Variants in GABRG3 observed in about 807,000 individuals in gnomAD.
The protein encoded by GABRG3 is gamma-aminobutyric acid type A receptor subunit gamma3, also known as gamma-aminobutyric acid receptor subunit gamma-3.
Under a neutral mutation model 48.8 loss-of-function variants are expected in GABRG3, and 25 were observed. That is an observed-to-expected ratio of 0.51 (90% CI 0.37 to 0.72). The LOEUF is 0.72. Ranked by LOEUF, GABRG3 falls within the 30% of genes least tolerant of loss-of-function variation. The pLI is 0.00. For missense variants in GABRG3, 394 were observed against 577.9 expected (o/e 0.68, Z 3.26); for synonymous variants, 227 against 217.6 (o/e 1.04, Z -0.38).
At chr15:27,271,614 A>G (rs1401321460) in intron 3 of GABRG3, 1 of 455,558 alleles carries the variant, frequency 2.2e-6, no homozygotes, top group East Asian at 7.0e-5. Context: ...TCAGTCACAA[A>G]CATGGCAGGA....
chr15:27,206,889 T>C (rs1300711671), intron 3 of GABRG3, among the ~76,000 whole-genome samples: 2 of 152,164 alleles, frequency 1.3e-5, no homozygotes, highest in Admixed American at 1.3e-4. Context: ...TTTTTTTGTT[T>C]TCTGTTTGTC....
intron 5 of GABRG3, among the ~76,000 whole-genome samples, chr15:27,330,821 A>G (rs1442680592): frequency 6.6e-6 from 1 of 152,238 alleles, no homozygotes; most frequent in East Asian, 1.9e-4. Flanking sequence ...TTGTGTGACC[A>G]ACCACATCTA....
At chr15:27,349,938 T>TC (rs1894500955) in intron 5 of GABRG3, among the ~76,000 whole-genome samples, 2 of 104,574 alleles carry the variant, frequency 1.9e-5, no homozygotes, top group South Asian at 4.0e-4. Flanking sequence ...CTAAGGTCTT[T>TC]TTTTTTTCTT....
At chr15:27,357,980 A>G (rs568729402) in intron 5 of GABRG3, among the ~76,000 whole-genome samples, 7 of 152,370 alleles carry the variant, frequency 4.6e-5, no homozygotes, top group Non-Finnish European at 8.8e-5. Flanking sequence ...ATATTGGTTC[A>G]CAGAGTTATG....
Position 26,971,342 on chromosome 15 carries a change from C to A in GABRG3, c.-194C>A, listed in dbSNP as rs1894836735. ...GTGGGGGCGGCGCGCCGCGGTGGCC[C>A]GGCGTCCCGTGTGCGTCCAGTGTGC... On this transcript the variant is annotated 5_prime_UTR_variant, in exon 1 of 10. Transcript: ENST00000615808. The A allele has an allele frequency of 8.9e-6, 3 of 338,968 alleles. No individual in the cohort carries two copies. Among genetic ancestry groups the A allele is most frequent in the African/African-American group, 2.2e-5 (1 of 45,998 alleles). The allele number at this position is 338,968 out of a possible 1,614,324, so 21.0% of individuals were successfully genotyped here.
intron 3 of GABRG3, among the ~76,000 whole-genome samples, chr15:27,043,467 G>A (rs1212430020): frequency 6.6e-6 from 1 of 152,170 alleles, no homozygotes; most frequent in Non-Finnish European, 1.5e-5. Context: ...CAGCCCGTCA[G>A]AAGGGGCCAG....
At position 27,308,189 on chromosome 15, in the gene GABRG3, TATAAACATGTTTATATATCC is replaced by T. The variant is rs1396912463; in HGVS notation, c.271-18618_271-18599del. Among the ~76,000 whole-genome samples, 537 of 74,398 alleles carry T rather than the reference TATAAACATGTTTATATATCC, an allele frequency of 7.2e-3. 117 individuals carry two copies. The highest frequency in any genetic ancestry group is 0.028 in the African/African-American group (484 of 17,416). 48.8% of individuals were successfully genotyped at this position (74,398 alleles called of 152,430 possible). A position where few individuals can be genotyped will look rare whatever the true frequency, so the allele number is the denominator to read the frequency against. ...ATATATGTTTATATATCCAAACATATATAAACATGTTTATATATCCAAACATATATAAACATGTTTATATA... is the reference window on the plus strand; with the variant it reads ...ATATATGTTTATATATCCAAACATATAAACATATATAAACATGTTTATATA... On this transcript the variant is annotated intron_variant, in intron 3 of 9. Transcript: ENST00000615808.
chr15:27,013,815 T>C (rs960862797), intron 2 of GABRG3, among the ~76,000 whole-genome samples: 9 of 152,080 alleles, frequency 5.9e-5, no homozygotes, highest in Admixed American at 2.0e-4. Flanking sequence ...TTCTTTTTTT[T>C]CCCCCAGGAT....
chr15:27,250,666 A>G (rs1890425688), intron 3 of GABRG3, among the ~76,000 whole-genome samples: 1 of 152,190 alleles, frequency 6.6e-6, no homozygotes, highest in African/African-American at 2.4e-5. Flanking sequence ...ACCTCAAGTG[A>G]TCCGCCCACC....
In GABRG3 at chr15:27,020,032, A is replaced by T. The variant is rs143541441; in HGVS notation, c.203-6722A>T. Among the ~76,000 whole-genome samples the T allele has an allele frequency of 3.2e-4, 48 of 152,132 alleles. 1 individual carries two copies. In the East Asian group the frequency reaches 8.5e-3, roughly 27 times the overall value. On this transcript the variant is annotated intron_variant, in intron 2 of 9. Transcript: ENST00000615808. ...AACCATAGCTAAAAATTTACTGAGC[A>T]CCCACTATTTACTGCGTTAACAGCC...
chr15:27,260,731 T>C (rs1016272885), intron 3 of GABRG3, among the ~76,000 whole-genome samples: 1 of 152,048 alleles, frequency 6.6e-6, no homozygotes, highest in Non-Finnish European at 1.5e-5. Context: ...AATGGCATGA[T>C]AAATCAAATG....
At chr15:27,527,722 T>A in intron 8 of GABRG3, 93 bp downstream of exon 8, 1 of 1,245,086 alleles carries the variant, frequency 8.0e-7, no homozygotes, top group Middle Eastern at 1.9e-4. Context: ...CTAAGGATCG[T>A]ACAAAGCATG....
rs563325609 is a variant in GABRG3 at position 27,270,937 on chromosome 15, G to A, written c.271-55872G>A. On this transcript the variant is annotated intron_variant, in intron 3 of 9. Transcript: ENST00000615808. ...TATCCAGGACCAAACATTATAAGGG[G>A]AATGGATTAACTCAGGCCATTCTTT... Among the ~76,000 whole-genome samples, 3 of 152,172 alleles carry A rather than the reference G, an allele frequency of 2.0e-5. No individual in the cohort carries two copies. In the South Asian group the frequency reaches 6.2e-4, roughly 32 times the overall value.
intron 6 of GABRG3, among the ~76,000 whole-genome samples, chr15:27,494,873 T>C (rs2150851123): frequency 6.6e-6 from 1 of 152,282 alleles, no homozygotes; most frequent in Admixed American, 6.5e-5. Flanking sequence ...TTCTACTTGA[T>C]TTGGGTTTAT....
rs1412539656 is a variant in GABRG3, at chr15:27,533,760, AG to A, written c.*881del. 4 of 152,224 alleles carry A rather than the reference AG, an allele frequency of 2.6e-5. No homozygotes were observed. Among genetic ancestry groups the A allele is most frequent in the African/African-American group, 9.6e-5 (4 of 41,454 alleles). 9.4% of individuals were successfully genotyped at this position (152,224 alleles called of 1,614,324 possible). A position where few individuals can be genotyped will look rare whatever the true frequency, so the allele number is the denominator to read the frequency against. Reference sequence around the variant, plus strand: ...TCGGTAATTGTCATTTTGCAAAGAAAGGTATACAGTGAACACAACCTGTTAT... The same window carrying A: ...TCGGTAATTGTCATTTTGCAAAGAAAGTATACAGTGAACACAACCTGTTAT... On this transcript the variant is annotated 3_prime_UTR_variant, in exon 10 of 10. Transcript: ENST00000615808.
intron 3 of GABRG3, among the ~76,000 whole-genome samples, chr15:27,253,867 G>T (rs552312530): frequency 6.6e-6 from 1 of 152,116 alleles, no homozygotes; most frequent in Non-Finnish European, 1.5e-5. Context: ...TCAGCTTCTC[G>T]CAGTAGCTCA....
At chr15:27,231,225 T>C (rs189507268) in intron 3 of GABRG3, among the ~76,000 whole-genome samples, 1 of 152,228 alleles carries the variant, frequency 6.6e-6, no homozygotes, top group Non-Finnish European at 1.5e-5. Flanking sequence ...TGCCTTTATA[T>C]TTCAAAGTAT....
chr15:27,458,028 G>A (rs1889335062), intron 5 of GABRG3, among the ~76,000 whole-genome samples: 1 of 152,090 alleles, frequency 6.6e-6, no homozygotes, highest in Non-Finnish European at 1.5e-5. Context: ...ACTATGCTCA[G>A]GCCCCCCGAC....
At chr15:27,015,014 A>G (rs773094356) in intron 2 of GABRG3, among the ~76,000 whole-genome samples, 1 of 152,188 alleles carries the variant, frequency 6.6e-6, no homozygotes, top group Non-Finnish European at 1.5e-5. Flanking sequence ...TTATTACTGA[A>G]TAACAATCTT....
Sources: gnomAD v4.1 joint callset for allele counts (sites outside exome capture counted in the v4.1 genomes callset) on GRCh38, gnomAD v4.1.1 for gene constraint, MANE v1.5 for transcripts, NCBI Gene and HGNC (gene_info 2026-07-23, HGNC 2026-07-21) for gene names.